CALCR: variants seen among roughly 807,000 people sequenced by gnomAD.
CALCR encodes the protein calcitonin receptor.
In CALCR, 47 loss-of-function variants were observed where a neutral mutation model predicts 59.5. The observed-to-expected ratio is 0.79, with a 90% CI of 0.63 to 1.01. The LOEUF is 1.01. Ranked by LOEUF, CALCR falls within the 50% of genes least tolerant of loss-of-function variation. The pLI is 0.00. For missense variants in CALCR, 566 were observed against 597.1 expected (o/e 0.95, Z 0.54); for synonymous variants, 213 against 211.3 (o/e 1.01, Z -0.07).
intron 8 of CALCR, among the ~76,000 whole-genome samples, chr7:93,451,163 TA>T: frequency 6.6e-6 from 1 of 152,152 alleles, no homozygotes; most frequent in East Asian, 1.9e-4. Context: ...TTTGATAGTA[TA>T]CTTGCTTTCA....
chr7:93,564,975 GA>G (rs1319858753), intron 2 of CALCR, among the ~76,000 whole-genome samples: 1 of 152,158 alleles, frequency 6.6e-6, no homozygotes, highest in Non-Finnish European at 1.5e-5. Context: ...GTAGGTGCGG[GA>G]CAAACTAGCA....
chr7:93,482,046 A>G (rs938898357), intron 3 of CALCR, among the ~76,000 whole-genome samples: 8 of 151,920 alleles, frequency 5.3e-5, no homozygotes, highest in African/African-American at 1.9e-4. Context: ...TATTTCTGAT[A>G]CTTGAAATTA....
chr7:93,492,683 G>C (rs1436029338), intron 2 of CALCR, among the ~76,000 whole-genome samples: 1 of 151,388 alleles, frequency 6.6e-6, no homozygotes, highest in Non-Finnish European at 1.5e-5. Flanking sequence ...GTGGGGAAGG[G>C]TATAAATGAT....
chr7:93,568,304 G>T (rs1049886330), intron 2 of CALCR, among the ~76,000 whole-genome samples: 1 of 152,112 alleles, frequency 6.6e-6, no homozygotes, highest in Non-Finnish European at 1.5e-5. Context: ...TAAGGCAGGC[G>T]TCTCAAACTG....
At chr7:93,527,648 A>G (rs1788704601) in intron 2 of CALCR, among the ~76,000 whole-genome samples, 1 of 152,144 alleles carries the variant, frequency 6.6e-6, no homozygotes, top group African/African-American at 2.4e-5. Flanking sequence ...AGCACAATCA[A>G]CATAAATTTT....
At chr7:93,440,539 GTGTGTC>G (rs1044134571) in intron 9 of CALCR, among the ~76,000 whole-genome samples, 2 of 91,302 alleles carry the variant, frequency 2.2e-5, no homozygotes, top group African/African-American at 8.7e-5. Context: ...TTTGGTGTGT[GTGTGTC>G]TGTGTGTGTG....
rs189770552 is a variant in CALCR, at chr7:93,479,278, A to G, written c.205+76T>C. 1.3e-4 allele frequency: 181 copies of G among 1,385,912 alleles called. 2 individuals carry two copies. The African/African-American group carries it at 2.5e-3, about 19-fold the overall frequency. The allele number at this position is 1,385,912 out of a possible 1,614,324, so 85.9% of individuals were successfully genotyped here. ...CTGGCATATTAAATTAAAATTATTC[A>G]ACACATATTTAACCACAAAAGAAAA... On this transcript the variant is annotated intron_variant, in intron 4 of 13. Coordinates refer to ENST00000426151, the MANE Select transcript of CALCR (RefSeq NM_001742.4).
intron 2 of CALCR, among the ~76,000 whole-genome samples, chr7:93,505,022 G>C (rs1288376620): frequency 6.6e-6 from 1 of 152,050 alleles, no homozygotes; most frequent in African/African-American, 2.4e-5. Context: ...TCCTGATATA[G>C]TCCCACCACC....
intron 2 of CALCR, among the ~76,000 whole-genome samples, chr7:93,505,499 T>G (rs1801406569): frequency 6.6e-6 from 1 of 152,094 alleles, no homozygotes; most frequent in Non-Finnish European, 1.5e-5. Flanking sequence ...TTGTCCAAAT[T>G]TACAAAGTGT....
intron 2 of CALCR, among the ~76,000 whole-genome samples, chr7:93,535,486 C>T (rs1319150689): frequency 2.6e-5 from 4 of 151,684 alleles, no homozygotes; most frequent in South Asian, 2.1e-4. Context: ...GATGACATAA[C>T]ATTATGTATG....
intron 2 of CALCR, among the ~76,000 whole-genome samples, chr7:93,519,626 T>A (rs1297487588): frequency 1.3e-5 from 2 of 152,106 alleles, no homozygotes; most frequent in African/African-American, 4.8e-5. Context: ...TTCAATTCTG[T>A]TATAATATAG....
chr7:93,433,717 A>C (rs1799707273), intron 13 of CALCR, among the ~76,000 whole-genome samples: 1 of 152,256 alleles, frequency 6.6e-6, no homozygotes, highest in Admixed American at 6.5e-5. Context: ...AAACACCCTG[A>C]GAACAGAATG....
chr7:93,548,868 GTGTGTGTGTGTC>G (rs773128632), intron 2 of CALCR, among the ~76,000 whole-genome samples: 1,325 of 83,096 alleles, frequency 0.016, 9 homozygotes, highest in Middle Eastern at 0.094. Flanking sequence ...GTGTGTGTGT[GTGTGTGTGTGTC>G]TGTGTGTGTG....
intron 5 of CALCR, among the ~76,000 whole-genome samples, chr7:93,472,798 C>T (rs766229910): frequency 5.9e-5 from 9 of 151,726 alleles, no homozygotes; most frequent in Non-Finnish European, 8.8e-5. Context: ...ACATGGATAT[C>T]GGTCAGACTC....
chr7:93,448,201 C>A lies in CALCR; in HGVS notation c.649-4444G>T, dbSNP rs184270874. ...AACTCTTAGCTTTCACACACACACA[C>A]AAAAAACTACTGCAATTTCTCCCTC... On this transcript the variant is annotated intron_variant, in intron 8 of 13. Transcript: ENST00000426151. 7.5e-3 allele frequency among the ~76,000 whole-genome samples: 1,138 copies of A among 151,946 alleles called. 18 individuals are homozygous for A. The highest frequency in any genetic ancestry group is 0.023 in the African/African-American group (950 of 41,434).
chr7:93,460,726 A>G (rs1584553568), intron 8 of CALCR, 95 bp downstream of exon 8: 3 of 883,890 alleles, frequency 3.4e-6, no homozygotes, highest in Non-Finnish European at 3.3e-6. Flanking sequence ...ACACATGTAA[A>G]CAGCTGCTTA....
chr7:93,490,246 T>G (rs1049728666), intron 2 of CALCR, among the ~76,000 whole-genome samples: 18 of 151,994 alleles, frequency 1.2e-4, no homozygotes, highest in Non-Finnish European at 2.4e-4. Flanking sequence ...TAGGTATTGA[T>G]GGAACATATC....
intron 5 of CALCR, among the ~76,000 whole-genome samples, chr7:93,476,657 T>C (rs1800672977): frequency 6.6e-6 from 1 of 151,860 alleles, no homozygotes; most frequent in South Asian, 2.1e-4. Context: ...AAGAGCCCCA[T>C]TGTTACTTTG....
chr7:93,430,632 G>C (rs918512591), intron 13 of CALCR, among the ~76,000 whole-genome samples: 3 of 152,140 alleles, frequency 2.0e-5, no homozygotes, highest in African/African-American at 7.2e-5. Context: ...ATTAAGTCAA[G>C]GTCATCCACT....
Sources: gnomAD v4.1 joint callset for allele counts (sites outside exome capture counted in the v4.1 genomes callset) on GRCh38, gnomAD v4.1.1 for gene constraint, MANE v1.5 for transcripts, NCBI Gene and HGNC (gene_info 2026-07-23, HGNC 2026-07-21) for gene names.